The following CAST variants were observed in gnomAD, a reference collection of about 807,000 sequenced individuals.
The protein encoded by CAST is calpastatin, also known as MIR583 host.
Under a neutral mutation model 119.6 loss-of-function variants are expected in CAST, and 76 were observed. The observed-to-expected ratio is 0.64, with a 90% confidence interval of 0.53 to 0.77. The LOEUF (loss-of-function observed/expected upper bound fraction) is 0.77. Among genes scored for constraint, CAST ranks in the 30% least tolerant of loss-of-function variants. CAST has a pLI of 0.00. For synonymous variants in CAST, 319 were observed against 331.6 expected, an observed-to-expected ratio of 0.96 and a Z score of 0.41; for missense variants, 953 against 946.5, an observed-to-expected ratio of 1.01 and a Z score of -0.09.
chr5:96,194,544 C>G, the CAST span, among the ~76,000 whole-genome samples: 1 of 152,100 alleles, frequency 6.6e-6, no homozygotes, highest in Non-Finnish European at 1.5e-5. Flanking sequence ...AAATACAATT[C>G]TAAAAGAAAT....
chr5:96,171,856 A>C, the CAST span, among the ~76,000 whole-genome samples: 2 of 152,236 alleles, frequency 1.3e-5, no homozygotes, highest in Admixed American at 6.5e-5. Context: ...CAGAGGTCGT[A>C]AGTAGATCTT....
At chr5:96,176,189 GGA>G in the CAST span, among the ~76,000 whole-genome samples, 3,812 of 152,194 alleles carry the variant, frequency 0.025, 175 homozygotes, top group African/African-American at 0.088. Context: ...AAAGGCCTTC[GGA>G]GAGAGAGAGA....
chr5:96,464,536 A>ATT, the CAST span, among the ~76,000 whole-genome samples: 3 of 152,102 alleles, frequency 2.0e-5, no homozygotes, highest in Non-Finnish European at 4.4e-5. Flanking sequence ...GTCAAGGAGC[A>ATT]TTTAGCCAAA....
At chr5:96,637,919 A>T (rs1387071058) in intron 1 of CAST, among the ~76,000 whole-genome samples, 2 of 152,206 alleles carry the variant, frequency 1.3e-5, no homozygotes, top group African/African-American at 4.8e-5. Flanking sequence ...GGGCTTTGGA[A>T]AGAGATGGCT....
At chr5:96,298,830 G>A in the CAST span, among the ~76,000 whole-genome samples, 2 of 151,280 alleles carry the variant, frequency 1.3e-5, no homozygotes, top group Non-Finnish European at 2.9e-5. Context: ...TTTCAGTTAG[G>A]GAGAAGATTT....
intron 30 of CAST, among the ~76,000 whole-genome samples, chr5:96,770,922 C>G (rs1772077407): frequency 6.6e-6 from 1 of 152,096 alleles, no homozygotes; most frequent in Non-Finnish European, 1.5e-5. Context: ...AAGTTGGAAA[C>G]TTCCTATTAT....
chr5:96,501,898 G>T, the CAST span, among the ~76,000 whole-genome samples: 1 of 152,166 alleles, frequency 6.6e-6, no homozygotes, highest in African/African-American at 2.4e-5. Context: ...GCTTTGTAGC[G>T]TATTGTGTGT....
At chr5:96,676,009 A>T (rs548458676) in intron 2 of CAST, 4 of 156,130 alleles carry the variant, frequency 2.6e-5, no homozygotes, top group Non-Finnish European at 4.2e-5. Flanking sequence ...CTTCAGATTC[A>T]TAAACAAAAG....
chr5:96,411,678 G>T, the CAST span, among the ~76,000 whole-genome samples: 1 of 152,266 alleles, frequency 6.6e-6, no homozygotes, highest in African/African-American at 2.4e-5. Context: ...TTTTTTACTA[G>T]TGTAAAAACC....
At position 96,750,663 on chromosome 5, in the gene CAST, C is replaced by G. The variant is rs1261134929; in HGVS notation, c.1505C>G (p.Pro502Arg). Residue 502 changes from proline (P) to arginine (R), a missense_variant, in exon 20 of 32, where the codon CCC becomes CGC. Physicochemically the swap from Pro to Arg is moderately radical, Grantham distance 103. Transcript: ENST00000675179. Reference sequence around the variant, plus strand: ...TCCATGTGTAGTATACAGTCAGCACCCCCTGAGCCGGCTACCTTGGTGAGT... The same window carrying G: ...TCCATGTGTAGTATACAGTCAGCACGCCCTGAGCCGGCTACCTTGGTGAGT... Reference protein sequence around the residue: ...RTSMCSIQSAPPEPATLKGTV... With the variant: ...RTSMCSIQSARPEPATLKGTV... The G allele has an allele frequency of 1.2e-6, 2 of 1,612,740 alleles. No individual in the cohort carries two copies. The highest frequency in any genetic ancestry group is 3.3e-5 in the Admixed American group (2 of 59,978).
intron 3 of CAST, chr5:96,702,817 C>G: frequency 1.0e-6 from 1 of 985,468 alleles, no homozygotes; most frequent in Non-Finnish European, 1.2e-6. Flanking sequence ...GAGAGCTGGG[C>G]TGGAGCTCCA....
the CAST span, among the ~76,000 whole-genome samples, chr5:96,356,673 T>C: frequency 6.6e-6 from 1 of 152,220 alleles, no homozygotes; most frequent in Non-Finnish European, 1.5e-5. Flanking sequence ...GAGGCCTCTG[T>C]TCTGTTCCAT....
the CAST span, among the ~76,000 whole-genome samples, chr5:95,996,808 C>T: frequency 6.6e-6 from 1 of 152,050 alleles, no homozygotes; most frequent in Non-Finnish European, 1.5e-5. Context: ...TTTGGATGCA[C>T]ATGGTCCATA....
chr5:96,031,881 A>C, the CAST span, among the ~76,000 whole-genome samples: 1 of 152,088 alleles, frequency 6.6e-6, no homozygotes, highest in Non-Finnish European at 1.5e-5. Flanking sequence ...GGGGACTCTG[A>C]CTCAGGATGT....
intron 3 of CAST, among the ~76,000 whole-genome samples, chr5:96,696,931 G>A (rs1317704380): frequency 6.6e-6 from 1 of 151,896 alleles, no homozygotes; most frequent in Non-Finnish European, 1.5e-5. Flanking sequence ...GGGAGTCCAC[G>A]GTGGGCAGAT....
the CAST span, among the ~76,000 whole-genome samples, chr5:96,272,834 A>T: frequency 6.6e-6 from 1 of 152,184 alleles, no homozygotes; most frequent in Admixed American, 6.5e-5. Flanking sequence ...AATTATATGG[A>T]TATATGCAAT....
At chr5:96,269,793 T>C in the CAST span, among the ~76,000 whole-genome samples, 1 of 152,176 alleles carries the variant, frequency 6.6e-6, no homozygotes, top group African/African-American at 2.4e-5. Flanking sequence ...CAAGACCTGA[T>C]GGCTTCACTG....
intron 15 of CAST, 35 bp downstream of exon 15, chr5:96,741,615 C>T (rs747439830): frequency 2.1e-6 from 3 of 1,426,240 alleles, no homozygotes. Context: ...CAGTTGCTTT[C>T]CAGAGCCTGA....
At chr5:96,579,687 G>A (rs1220704888) in intron 1 of CAST, among the ~76,000 whole-genome samples, 1 of 152,150 alleles carries the variant, frequency 6.6e-6, no homozygotes, top group Non-Finnish European at 1.5e-5. Flanking sequence ...ACCTTTCAGA[G>A]TTCTCTTTCA....
Sources: allele counts gnomAD v4.1 joint callset (sites outside exome capture counted in the v4.1 genomes callset), GRCh38; gene constraint gnomAD v4.1.1; transcripts MANE v1.5; gene names NCBI Gene and HGNC (gene_info 2026-07-23, HGNC 2026-07-21).